Variants in MAEL observed in about 807,000 individuals in gnomAD.
MAEL encodes the protein protein maelstrom homolog.
MAEL carries 46 observed loss-of-function variants against 62.0 expected under a neutral mutation model. That is an observed-to-expected ratio of 0.74 (90% CI 0.59 to 0.95). MAEL has a LOEUF of 0.95. Ranked by LOEUF, MAEL falls within the 40% of genes least tolerant of loss-of-function variation. The pLI, the probability that MAEL is intolerant of heterozygous loss-of-function variation, is 0.00. For synonymous variants in MAEL, 172 were observed against 175.5 expected (o/e 0.98, Z 0.16); for missense variants, 497 against 526.8 (o/e 0.94, Z 0.55).
At position 166,989,781 on chromosome 1, in the gene MAEL, A is replaced by G. The variant is rs1238755016; in HGVS notation, c.177A>G (p.Arg59=). The G allele has an allele frequency of 6.2e-7, 1 of 1,614,028 alleles. No individual in the cohort carries two copies. The highest frequency in any genetic ancestry group is 1.7e-5 in the Admixed American group (1 of 60,020). The stretch of plus-strand genomic sequence containing the variant: ...AGGAGAAATACGCAGAAATGGCTCG[A>G]GAATGGAGGGCCGCTCAGGGAAAGG... ...EEKEKYAEMA[R]EWRAAQGKDP... The change falls in exon 2 of 12, where the codon CGA becomes CGG. Residue 59 remains arginine, a synonymous_variant. Coordinates refer to ENST00000367872, the MANE Select transcript of MAEL (RefSeq NM_032858.3).
chr1:167,009,566 C>T (rs562179050), intron 8 of MAEL, among the ~76,000 whole-genome samples: 1 of 150,878 alleles, frequency 6.6e-6, no homozygotes, highest in African/African-American at 2.4e-5. Context: ...TTTCAATATG[C>T]AGAATCAGGT....
Position 167,004,304 on chromosome 1 carries a change from G to A in MAEL, c.648G>A (p.Lys216=). The change falls in exon 6 of 12, where the codon AAG becomes AAA. Residue 216 remains lysine, a splice_region_variant and synonymous_variant. Transcript: ENST00000367872. ...NPGNWPPIYC[K]SDDRTRVNWC... is the part of the protein sequence containing the mutation. ...GGAACTGGCCACCTATCTACTGCAA[G>A]GTAATTTCAGGTTAAGAAGTTCTTT... 6.3e-7 allele frequency: 1 copy of A among 1,584,212 alleles called. No homozygotes were observed. The highest frequency in any genetic ancestry group is 8.5e-7 in the Non-Finnish European group (1 of 1,169,596).
At position 167,006,746 on chromosome 1, in the gene MAEL, G is replaced by T. The variant is rs1418229553; in HGVS notation, c.845+1349G>T. Among the ~76,000 whole-genome samples, 6 of 149,180 alleles carry T rather than the reference G, an allele frequency of 4.0e-5. No individual in the cohort carries two copies. The East Asian group carries it at 1.2e-3, about 30-fold the overall frequency. On this transcript the variant is annotated intron_variant, in intron 8 of 11. Coordinates refer to ENST00000367872, the MANE Select transcript of MAEL (RefSeq NM_032858.3). ...CACCTCCCAGGTTCAAGTGATTCTC[G>T]TGCCTCAGCCTCTCGAGTAGTTGGG...
intron 1 of MAEL, among the ~76,000 whole-genome samples, chr1:166,977,030 C>G (rs969987647): frequency 1.8e-4 from 27 of 152,286 alleles, no homozygotes; most frequent in African/African-American, 6.5e-4. Context: ...GAAACAAGGA[C>G]AGTGGAGAAT....
chr1:167,002,334 T>A (rs1480487571), intron 5 of MAEL, among the ~76,000 whole-genome samples: 3 of 152,246 alleles, frequency 2.0e-5, no homozygotes, highest in African/African-American at 7.2e-5. Flanking sequence ...ATTACTAATA[T>A]TGCCTTTAAT....
intron 8 of MAEL, among the ~76,000 whole-genome samples, chr1:167,006,805 T>A (rs568745875): frequency 6.6e-6 from 1 of 151,632 alleles, no homozygotes; most frequent in Admixed American, 6.6e-5. Context: ...CCAGCTAATT[T>A]TTGTATTTTT....
At chr1:167,021,221 C>A in intron 11 of MAEL, 61 bp downstream of exon 11, 1 of 1,153,396 alleles carries the variant, frequency 8.7e-7, no homozygotes, top group Non-Finnish European at 1.3e-6. Flanking sequence ...TTACTAAGAT[C>A]CCAGGTGTGG....
chr1:166,995,519 C>T (rs1011983168), intron 5 of MAEL, among the ~76,000 whole-genome samples: 2 of 151,860 alleles, frequency 1.3e-5, no homozygotes, highest in East Asian at 3.9e-4. Flanking sequence ...GGATTACAGG[C>T]GTGAGCCACC....
At chr1:166,993,097 T>G (rs1337400073) in intron 4 of MAEL, among the ~76,000 whole-genome samples, 2 of 152,202 alleles carry the variant, frequency 1.3e-5, no homozygotes, top group East Asian at 3.9e-4. Context: ...TAGCCTGCTA[T>G]TCACCTACCT....
At position 166,991,376 on chromosome 1, in the gene MAEL, A is replaced by G; in HGVS notation, c.226-2A>G. ...GTGGCCAATCATTCTCTTCCTCTTT[A>G]GAAACCTGTTTTCACACCACTGAGG... On this transcript the variant is annotated splice_acceptor_variant, in intron 2 of 11. Transcript: ENST00000367872. LOFTEE classifies it high-confidence loss of function. 1 of 1,601,118 alleles carries G rather than the reference A, an allele frequency of 6.2e-7. No individual in the cohort carries two copies. The highest frequency in any genetic ancestry group is 8.6e-7 in the Non-Finnish European group (1 of 1,168,352).
intron 8 of MAEL, among the ~76,000 whole-genome samples, chr1:167,013,841 A>G (rs1665270415): frequency 6.6e-6 from 1 of 152,340 alleles, no homozygotes; most frequent in South Asian, 2.1e-4. Flanking sequence ...ATGCTAGAAT[A>G]TGAAAGGCTT....
chr1:166,999,423 A>G (rs1664568434), intron 5 of MAEL, among the ~76,000 whole-genome samples: 1 of 152,228 alleles, frequency 6.6e-6, no homozygotes, highest in Admixed American at 6.5e-5. Context: ...CTAATACAAA[A>G]CAAAGCCTTA....
chr1:167,000,036 G>A (rs528486776), intron 5 of MAEL, among the ~76,000 whole-genome samples: 8 of 152,242 alleles, frequency 5.3e-5, no homozygotes, highest in African/African-American at 1.7e-4. Flanking sequence ...AAGAGCTCTG[G>A]TGGAGATGTA....
chr1:167,018,214 A>G (rs1292564325), intron 10 of MAEL, among the ~76,000 whole-genome samples: 1 of 152,224 alleles, frequency 6.6e-6, no homozygotes, highest in Non-Finnish European at 1.5e-5. Context: ...ATCTTTATGT[A>G]AAACATTTCC....
At chr1:167,010,546 A>G (rs1033609706) in intron 8 of MAEL, among the ~76,000 whole-genome samples, 1 of 152,126 alleles carries the variant, frequency 6.6e-6, no homozygotes, top group African/African-American at 2.4e-5. Context: ...CCTAGAGTCA[A>G]GCAGTCCTCA....
upstream of MAEL, among the ~76,000 whole-genome samples, chr1:166,984,546 TA>T: frequency 6.6e-6 from 1 of 152,188 alleles, no homozygotes; most frequent in South Asian, 2.1e-4. Flanking sequence ...ATCTGTCAAT[TA>T]AAAATAAATA....
At chr1:167,009,117 G>A (rs1469519835) in intron 8 of MAEL, among the ~76,000 whole-genome samples, 1 of 152,054 alleles carries the variant, frequency 6.6e-6, no homozygotes, top group African/African-American at 2.4e-5. Flanking sequence ...GATATGTCTT[G>A]TGTTGACAGT....
intron 11 of MAEL, 32 bp from the exon 12 acceptor site, chr1:167,021,636 A>G (rs779920033): frequency 4.8e-6 from 7 of 1,460,770 alleles, no homozygotes; most frequent in African/African-American, 1.4e-5. Context: ...TAAAATTGCT[A>G]TATCTCTTTT....
intron 10 of MAEL, among the ~76,000 whole-genome samples, chr1:167,018,785 A>G (rs982212464): frequency 2.0e-5 from 3 of 152,148 alleles, no homozygotes; most frequent in Admixed American, 6.5e-5. Flanking sequence ...TTCCATTCAT[A>G]TGACATTTTT....
Sources: gnomAD v4.1 joint callset for allele counts (sites outside exome capture counted in the v4.1 genomes callset) on GRCh38, gnomAD v4.1.1 for gene constraint, MANE v1.5 for transcripts, NCBI Gene and HGNC (gene_info 2026-07-23, HGNC 2026-07-21) for gene names.